The following COL6A1 variants were observed in gnomAD, a reference collection of about 807,000 sequenced individuals.
COL6A1 encodes collagen type VI alpha 1 chain, also known as collagen alpha-1(VI) chain.
COL6A1 carries 80 observed loss-of-function variants against 145.6 expected under a neutral mutation model. The observed-to-expected ratio is 0.55, with a 90% CI of 0.46 to 0.66. The LOEUF (loss-of-function observed/expected upper bound fraction) is 0.66, where lower values mean the gene tolerates loss of function less well. Ranked by LOEUF, COL6A1 falls within the 30% of genes least tolerant of loss-of-function variation. The pLI, the probability that COL6A1 is intolerant of heterozygous loss-of-function variation, is 0.00. For missense variants in COL6A1, 1,364 were observed against 1,473.8 expected (o/e 0.93, Z 1.22); for synonymous variants, 638 against 622.8 (o/e 1.02, Z -0.36).
At chr21:45,984,895 G>GAGGGACAGAGACAGGCAGAT (rs2077729408) in intron 3 of COL6A1, among the ~76,000 whole-genome samples, 1 of 149,686 alleles carries the variant, frequency 6.7e-6, no homozygotes, top group Non-Finnish European at 1.5e-5. Context: ...GACAGGCAGA[G>GAGGGACAGAGACAGGCAGAT]AGAGACAGAG....
At position 46,003,980 on chromosome 21, in the gene COL6A1, C is replaced by T. The variant is rs141237809; in HGVS notation, c.3054C>T (p.His1018=). ...SYQALLRGVF[H]QTVSRKVALG ...AGGCCCTGCTCCGCGGTGTCTTCCACCAGACAGTCTCCAGGAAGGTGGCGC... is the reference window on the plus strand; with the variant it reads ...AGGCCCTGCTCCGCGGTGTCTTCCATCAGACAGTCTCCAGGAAGGTGGCGC... Residue 1018 remains histidine, a synonymous_variant, in exon 35 of 35, where the codon CAC becomes CAT. Transcript: ENST00000361866. 1.2e-3 allele frequency: 2,013 copies of T among 1,613,150 alleles called. 16 individuals carry two copies. In the African/African-American group the frequency reaches 0.021, roughly 17 times the overall value.
intron 20 of COL6A1, among the ~76,000 whole-genome samples, chr21:45,995,439 G>C (rs1183861926): frequency 6.6e-6 from 1 of 152,210 alleles, no homozygotes; most frequent in Non-Finnish European, 1.5e-5. Context: ...GACGGCCCAG[G>C]GCCACGTTCC....
intron 13 of COL6A1, 59 bp downstream of exon 13, chr21:45,990,481 GA>G: frequency 8.1e-6 from 6 of 739,392 alleles, no homozygotes; most frequent in South Asian, 3.3e-5. Flanking sequence ...GCGAGATGGG[GA>G]GGGACGGAGT....
Position 46,003,649 on chromosome 21 carries a change from A to T in COL6A1, c.2723A>T (p.Asp908Val), listed in dbSNP as rs770495711. Residue 908 changes from aspartate to valine, a missense_variant, in exon 35 of 35, where the codon GAC becomes GTC. Asp to Val is a radical substitution (Grantham distance 152). This residue lies in a region of COL6A1 where 938 missense variants were observed against 1,003.8 expected (regional missense o/e 0.93). Transcript: ENST00000361866. Reference sequence around the variant, plus strand: ...CTGGCCAGTGCCGTCGATGCCATGGACTTTATCAACGACGCCACCGACGTC... The same window carrying T: ...CTGGCCAGTGCCGTCGATGCCATGGTCTTTATCAACGACGCCACCGACGTC... ...TALASAVDAM[D>V]FINDATDVND... 6.2e-7 allele frequency: 1 copy of T among 1,612,992 alleles called. No homozygotes were observed. Among genetic ancestry groups the T allele is most frequent in the Non-Finnish European group, 8.5e-7 (1 of 1,179,916 alleles).
chr21:46,001,881 C>T (rs2077847626), intron 30 of COL6A1, 80 bp from the exon 31 acceptor site: 4 of 1,288,566 alleles, frequency 3.1e-6, no homozygotes, highest in Non-Finnish European at 4.4e-6. Context: ...TGGGCACCCG[C>T]AGCCAATAGA....
rs2077868542 is a variant in COL6A1, at chr21:46,004,310, C to T, written c.*297C>T. On this transcript the variant is annotated 3_prime_UTR_variant, in exon 35 of 35. Transcript: ENST00000361866. ...GAGCTGGCGTCACCTGTGCAGGGCC[C>T]TCTGGGGCTCAGCCCTGAGCTGGCC... 3 of 494,360 alleles carry T rather than the reference C, an allele frequency of 6.1e-6. No individual in the cohort carries two copies. Among genetic ancestry groups the T allele is most frequent in the Admixed American group, 3.6e-5 (1 of 27,446 alleles). 30.6% of individuals were successfully genotyped at this position (494,360 alleles called of 1,614,324 possible).
intron 15 of COL6A1, among the ~76,000 whole-genome samples, 169 bp downstream of exon 15, chr21:45,991,210 A>C (rs553015440): frequency 7.9e-5 from 12 of 152,316 alleles, no homozygotes; most frequent in African/African-American, 2.9e-4. Flanking sequence ...CAGCGGGGAC[A>C]GTGCCCACCG....
intron 3 of COL6A1, among the ~76,000 whole-genome samples, chr21:45,986,188 G>A (rs2077737838): frequency 6.6e-6 from 1 of 152,182 alleles, no homozygotes; most frequent in African/African-American, 2.4e-5. Context: ...GACGCGGCGG[G>A]CATCTCGGAG....
chr21:45,992,726 C>T, intron 18 of COL6A1, 22 bp from the exon 19 acceptor site: 1 of 1,574,594 alleles, frequency 6.4e-7, no homozygotes, highest in Non-Finnish European at 8.6e-7. Flanking sequence ...GAGGCTTCTC[C>T]CCTCCATGTC....
rs556417364 is a variant in COL6A1, at chr21:46,001,135, G to A, written c.1823-118G>A. ...GGGCTTTTCTGGGGCTGAGACGGGG[G>A]GACCCCAACGTGTCAGGTGAGGATG... On this transcript the variant is annotated intron_variant, in intron 29 of 34. Coordinates refer to ENST00000361866, the MANE Select transcript of COL6A1 (RefSeq NM_001848.3). The A allele has an allele frequency of 1.8e-5, 25 of 1,399,688 alleles. No homozygotes were observed. The Admixed American group carries it at 3.0e-4, about 17-fold the overall frequency. 86.7% of individuals were successfully genotyped at this position (1,399,688 alleles called of 1,614,324 possible).
At chr21:45,991,803 C>T (rs991981934) in intron 15 of COL6A1, among the ~76,000 whole-genome samples, 1 of 152,196 alleles carries the variant, frequency 6.6e-6, no homozygotes, top group Non-Finnish European at 1.5e-5. Flanking sequence ...CTTGGCTGGG[C>T]CTCACAGGGA....
rs2077847693 is a variant in COL6A1 at position 46,001,885 on chromosome 21, C to G, written c.1957-76C>G. The G allele has an allele frequency of 3.0e-6, 4 of 1,338,406 alleles. No homozygotes were observed. The South Asian group carries it at 3.7e-5, about 12-fold the overall frequency. 82.9% of individuals were successfully genotyped at this position (1,338,406 alleles called of 1,614,324 possible). A position where few individuals can be genotyped will look rare whatever the true frequency, so the allele number is the denominator to read the frequency against. ...ATGCCACCCTCTGGGCACCCGCAGC[C>G]AATAGAGTCACCCTTGGGAAGCTTA... On this transcript the variant is annotated intron_variant, in intron 30 of 34. Coordinates refer to ENST00000361866, the MANE Select transcript of COL6A1 (RefSeq NM_001848.3).
intron 1 of COL6A1, among the ~76,000 whole-genome samples, chr21:45,982,161 CG>C (rs951910603): frequency 1.3e-5 from 2 of 150,704 alleles, no homozygotes; most frequent in African/African-American, 4.9e-5. Context: ...GCATTCTCAG[CG>C]GGGCCGGACC....
In COL6A1 at chr21:45,999,476, G is replaced by C. The variant is rs1029155719; in HGVS notation, c.1741-181G>C. ...CCTGGGATGGCCGCCTGGACCACCA[G>C]TGTGCGAAGCCCCAGCTGCCCTCAC... On this transcript the variant is annotated intron_variant, in intron 26 of 34. Transcript: ENST00000361866. 4 of 784,718 alleles carry C rather than the reference G, an allele frequency of 5.1e-6. No homozygotes were observed. In the East Asian group the frequency reaches 8.0e-5, roughly 16 times the overall value. The allele number at this position is 784,718 out of a possible 1,614,324, so 48.6% of individuals were successfully genotyped here. A position where few individuals can be genotyped will look rare whatever the true frequency, so the allele number is the denominator to read the frequency against.
Position 45,989,837 on chromosome 21 carries a change from G to A in COL6A1, c.930+59G>A, listed in dbSNP as rs369511036. 9,647 of 1,606,138 alleles carry A rather than the reference G, an allele frequency of 6.0e-3. 34 individuals are homozygous for A. Among genetic ancestry groups the A allele is most frequent in the Non-Finnish European group, 7.6e-3 (8,949 of 1,174,564 alleles). ...CAGGCGCAGATGTGCCATCCTGGAC[G>A]AGGGTGTCCCCGGGGATGAGGACAG... On this transcript the variant is annotated intron_variant, in intron 11 of 34. Coordinates refer to ENST00000361866, the MANE Select transcript of COL6A1 (RefSeq NM_001848.3).
chr21:45,987,591 C>A lies in COL6A1; in HGVS notation c.760-19C>A. The A allele has an allele frequency of 6.2e-7, 1 of 1,612,508 alleles. No individual in the cohort carries two copies. Among genetic ancestry groups the A allele is most frequent in the South Asian group, 1.1e-5 (1 of 91,066 alleles). On this transcript the variant is annotated intron_variant, in intron 7 of 34. Coordinates refer to ENST00000361866, the MANE Select transcript of COL6A1 (RefSeq NM_001848.3). ...ACCTGAGTCTGGGGTCCTGGCTGAC[C>A]GTCCCCTCTGCCTTGCAGCCTGCAA...
rs1345841464 is a variant in COL6A1, at chr21:45,987,519, G to A, written c.759G>A (p.Gln253=). 6.2e-7 allele frequency: 1 copy of A among 1,613,016 alleles called. No individual in the cohort carries two copies. The highest frequency in any genetic ancestry group is 8.5e-7 in the Non-Finnish European group (1 of 1,179,996). Residue 253 remains glutamine, a splice_region_variant and synonymous_variant, in exon 7 of 35, where the codon CAG becomes CAA. Coordinates refer to ENST00000361866, the MANE Select transcript of COL6A1 (RefSeq NM_001848.3). ...VEQVCCSFEC[Q]PARGPPGLRG... Reference sequence around the variant, plus strand: ...CACAGTGCTGCTCCTTCGAATGCCAGGTGAGTGTGCCCCCCGACCCCTGAC... The same window carrying A: ...CACAGTGCTGCTCCTTCGAATGCCAAGTGAGTGTGCCCCCCGACCCCTGAC...
chr21:46,003,382 GCCCC>G lies in COL6A1; in HGVS notation c.2465-8_2465-5del. 6.3e-7 allele frequency: 1 copy of G among 1,599,634 alleles called. No homozygotes were observed. The highest frequency in any genetic ancestry group is 8.5e-7 in the Non-Finnish European group (1 of 1,179,618). On this transcript the variant is annotated splice_region_variant and splice_polypyrimidine_tract_variant and intron_variant, in intron 34 of 34. Coordinates refer to ENST00000361866, the MANE Select transcript of COL6A1 (RefSeq NM_001848.3). ...CCTCATGCTAACGGCTGCCCACCCC[GCCCC>G]GCAGTCACGTTCTCCTCCCCGGCTG...
At chr21:46,001,131 G>C in intron 29 of COL6A1, 122 bp from the exon 30 acceptor site, 1 of 1,378,902 alleles carries the variant, frequency 7.3e-7, no homozygotes, top group Non-Finnish European at 9.9e-7. Context: ...GGGCTGAGAC[G>C]GGGGGACCCC....
Sources: gnomAD v4.1 joint callset for allele counts (sites outside exome capture counted in the v4.1 genomes callset) on GRCh38, gnomAD v4.1.1 for gene constraint, gnomAD v4.1.1 regional missense constraint, MANE v1.5 for transcripts, NCBI Gene and HGNC (gene_info 2026-07-23, HGNC 2026-07-21) for gene names.